Variants in ARHGEF5 observed in about 807,000 individuals in gnomAD.
The protein encoded by ARHGEF5 is Rho guanine nucleotide exchange factor 5.
ARHGEF5 carries 11 observed loss-of-function variants against 104.0 expected under a neutral mutation model. The ratio of observed to expected loss-of-function variants is 0.11; its 90% CI spans 0.07 to 0.18. ARHGEF5 has a LOEUF of 0.18. ARHGEF5 is among the 10% of genes least tolerant of loss of function. ARHGEF5 has a pLI of 1.00. For missense variants in ARHGEF5, 165 were observed against 1,335.4 expected, an observed-to-expected ratio of 0.12 and a Z score of 13.66; for synonymous variants, 60 against 512.2, an observed-to-expected ratio of 0.12 and a Z score of 11.92.
At chr7:144,371,352 ACT>A (rs1399746351) in intron 6 of ARHGEF5, 31 bp downstream of exon 6, 1 of 1,431,528 alleles carries the variant, frequency 7.0e-7, no homozygotes, top group African/African-American at 1.5e-5. Context: ...AATACCACTC[ACT>A]CAGCCTCACT....
At chr7:144,374,122 G>A (rs557690941) in intron 10 of ARHGEF5, among the ~76,000 whole-genome samples, 1,315 of 94,604 alleles carry the variant, frequency 0.014, 23 homozygotes, top group African/African-American at 0.05. Flanking sequence ...GATTATAGGC[G>A]TGAGCCACCA....
In ARHGEF5 at chr7:144,373,236, G is replaced by C. The variant is rs140139590; in HGVS notation, c.4092G>C (p.Arg1364=). ...DCNNNVQSMR[R]TEELIYLSQK... Reference sequence around the variant, plus strand: ...ATAACAATGTCCAGAGTATGCGACGGACAGAGGAACTAATCTACCTGAGCC... The same window carrying C: ...ATAACAATGTCCAGAGTATGCGACGCACAGAGGAACTAATCTACCTGAGCC... The change falls in exon 10 of 15, where the codon CGG becomes CGC. Residue 1364 remains arginine, a synonymous_variant. Transcript: ENST00000056217. 34 of 1,454,788 alleles carry C rather than the reference G, an allele frequency of 2.3e-5. No homozygotes were observed. In the African/African-American group the frequency reaches 5.6e-4, roughly 24 times the overall value. The allele number at this position is 1,454,788 out of a possible 1,614,324, so 90.1% of individuals were successfully genotyped here. A position where few individuals can be genotyped will look rare whatever the true frequency, so the allele number is the denominator to read the frequency against.
chr7:144,378,948 C>T, intron 14 of ARHGEF5, 82 bp downstream of exon 14: 18 of 1,346,960 alleles, frequency 1.3e-5, no homozygotes, highest in Non-Finnish European at 1.9e-5. Context: ...CTGCAGCTGC[C>T]ATGACAAAGT....
chr7:144,365,831 AGAACCGGGACCACAGT>A lies in ARHGEF5; in HGVS notation c.3154+11_3154+26del. 2 of 237,520 alleles carry A rather than the reference AGAACCGGGACCACAGT, an allele frequency of 8.4e-6. No homozygotes were observed. The highest frequency in any genetic ancestry group is 1.5e-5 in the Non-Finnish European group (2 of 137,566). 14.7% of individuals were successfully genotyped at this position (237,520 alleles called of 1,614,324 possible). On this transcript the variant is annotated intron_variant, in intron 2 of 14. Transcript: ENST00000056217. The stretch of plus-strand genomic sequence containing the variant: ...TGCCTGAGGGCTCTTCAGGTGAGCA[AGAACCGGGACCACAGT>A]GACACATCAGACCAAGCTTTTCCCA...
chr7:144,373,829 C>T (rs1327800868), intron 10 of ARHGEF5, among the ~76,000 whole-genome samples: 1 of 147,324 alleles, frequency 6.8e-6, no homozygotes, highest in Non-Finnish European at 1.5e-5. Context: ...CAAATTCCAA[C>T]TTAGAACAGA....
chr7:144,358,799 G>GTGTT lies in ARHGEF5; in HGVS notation c.-13+3301_-13+3302insTTGT, dbSNP rs1322663464. On this transcript the variant is annotated intron_variant, in intron 1 of 14. Transcript: ENST00000056217. ...TGTGTGTGTGTGTGTGTGTGTGTGTGTGTACACACACAGTGGCTAAGCAGG... is the reference window on the plus strand; with the variant it reads ...TGTGTGTGTGTGTGTGTGTGTGTGTGTGTTTGTACACACACAGTGGCTAAGCAGG... 1.4e-4 allele frequency among the ~76,000 whole-genome samples: 19 copies of GTGTT among 131,134 alleles called. 2 individuals carry two copies. The highest frequency in any genetic ancestry group is 5.3e-4 in the African/African-American group (19 of 35,626). The allele number at this position is 131,134 out of a possible 152,430, so 86.0% of individuals were successfully genotyped here.
At chr7:144,373,784 A>G (rs2053740425) in intron 10 of ARHGEF5, among the ~76,000 whole-genome samples, 1 of 140,242 alleles carries the variant, frequency 7.1e-6, no homozygotes, top group Admixed American at 7.4e-5. Context: ...AGCATCCCTC[A>G]TTGAAATACA....
At chr7:144,378,710 G>A in intron 13 of ARHGEF5, 52 bp from the exon 14 acceptor site, 1 of 1,526,444 alleles carries the variant, frequency 6.6e-7, no homozygotes, top group Admixed American at 1.7e-5. Flanking sequence ...CCCTGTCTGT[G>A]TTCCAATCCC....
At chr7:144,378,949 A>T in intron 14 of ARHGEF5, 83 bp downstream of exon 14, 1 of 1,334,202 alleles carries the variant, frequency 7.5e-7, no homozygotes, top group Non-Finnish European at 1.1e-6. Flanking sequence ...TGCAGCTGCC[A>T]TGACAAAGTA....
chr7:144,379,545 T>G (rs2053785418), intron 14 of ARHGEF5, among the ~76,000 whole-genome samples: 1 of 152,252 alleles, frequency 6.6e-6, no homozygotes, highest in South Asian at 2.1e-4. Flanking sequence ...CCTGTTATAC[T>G]GGATTAATGG....
chr7:144,358,941 GCCAGCTTTCTTTCAGTAGGA>G (rs2053617468), intron 1 of ARHGEF5, among the ~76,000 whole-genome samples: 1 of 58,304 alleles, frequency 1.7e-5, no homozygotes, highest in Non-Finnish European at 3.1e-5. Context: ...CTGATGGCCT[GCCAGCTTTCTTTCAGTAGGA>G]CCTCTAAGTG....
intron 9 of ARHGEF5, 35 bp from the exon 10 acceptor site, chr7:144,373,160 T>A: frequency 9.0e-7 from 1 of 1,107,358 alleles, no homozygotes; most frequent in South Asian, 1.4e-5. Context: ...TCTAACACAG[T>A]GCCCTTCCCC....
At chr7:144,378,482 A>C (rs1033908479) in intron 13 of ARHGEF5, among the ~76,000 whole-genome samples, 3 of 152,224 alleles carry the variant, frequency 2.0e-5, no homozygotes, top group Non-Finnish European at 4.4e-5. Flanking sequence ...GGACGGTTTC[A>C]GAGGGAAGAT....
At chr7:144,379,859 C>T in intron 14 of ARHGEF5, 40 bp from the exon 15 acceptor site, 1 of 1,612,714 alleles carries the variant, frequency 6.2e-7, no homozygotes, top group Non-Finnish European at 8.5e-7. Flanking sequence ...TATCGTGAGC[C>T]TTTCCCAGGT....
rs76522717 is a variant in ARHGEF5 at position 144,372,979 on chromosome 7, C to A, written c.4051-216C>A. On this transcript the variant is annotated intron_variant, in intron 9 of 14. Coordinates refer to ENST00000056217, the MANE Select transcript of ARHGEF5 (RefSeq NM_005435.4). ...AGGGACTGTGCCCTCTCCACCATCA[C>A]CCCCCCATTCAGTCTCACTTTTACT... 2.0e-3 allele frequency among the ~76,000 whole-genome samples: 260 copies of A among 133,030 alleles called. 6 individuals are homozygous for A. The highest frequency in any genetic ancestry group is 7.0e-3 in the African/African-American group (243 of 34,656). The allele number at this position is 133,030 out of a possible 152,430, so 87.3% of individuals were successfully genotyped here.
At chr7:144,372,985 C>A (rs541953486) in intron 9 of ARHGEF5, among the ~76,000 whole-genome samples, 1 of 135,918 alleles carries the variant, frequency 7.4e-6, no homozygotes, top group African/African-American at 2.8e-5. Flanking sequence ...ATCACCCCCC[C>A]ATTCAGTCTC....
intron 13 of ARHGEF5, among the ~76,000 whole-genome samples, chr7:144,377,835 C>T (rs1308639481): frequency 6.6e-6 from 1 of 152,114 alleles, no homozygotes; most frequent in Non-Finnish European, 1.5e-5. Flanking sequence ...GTAGGAGAGC[C>T]GTGTAGTAAC....
intron 12 of ARHGEF5, among the ~76,000 whole-genome samples, 198 bp downstream of exon 12, chr7:144,375,873 A>G (rs2053759225): frequency 6.6e-6 from 1 of 152,306 alleles, no homozygotes; most frequent in Admixed American, 6.5e-5. Flanking sequence ...GGGAGAGGGT[A>G]CAAAGTCACC....
Position 144,378,793 on chromosome 7 carries a change from C to T in ARHGEF5, c.4563C>T (p.Tyr1521=), listed in dbSNP as rs62485531. Residue 1521 remains tyrosine, a synonymous_variant, in exon 14 of 15, where the codon TAC becomes TAT. Coordinates refer to ENST00000056217, the MANE Select transcript of ARHGEF5 (RefSeq NM_005435.4). ...CCCAGGTACAGTGCCTTCGAGCCTA[C>T]AAGCCCCGAGAGAATGATGAATTGG... ...NSPQVQCLRA[Y]KPRENDELAL... is the part of the protein sequence containing the mutation. The T allele has an allele frequency of 1.2e-3, 1,896 of 1,614,038 alleles. 7 individuals carry two copies. The highest frequency in any genetic ancestry group is 6.6e-3 in the Middle Eastern group (40 of 6,062).
Sources: gnomAD v4.1 joint callset for allele counts (sites outside exome capture counted in the v4.1 genomes callset) on GRCh38, gnomAD v4.1.1 for gene constraint, MANE v1.5 for transcripts, NCBI Gene and HGNC (gene_info 2026-07-23, HGNC 2026-07-21) for gene names.